Variants in TMEM178A observed in about 807,000 individuals in gnomAD.
TMEM178A encodes transmembrane protein 178A, also known as transmembrane protein 178.
In TMEM178A, 12 loss-of-function variants were observed where a neutral mutation model predicts 29.1. The observed-to-expected ratio is 0.41, with a 90% CI of 0.26 to 0.67. The LOEUF is 0.67. TMEM178A is among the 30% of genes least tolerant of loss of function. The pLI is 0.29. For missense variants in TMEM178A, 366 were observed against 419.1 expected, an observed-to-expected ratio of 0.87 and a Z score of 1.11; for synonymous variants, 210 against 187.2, an observed-to-expected ratio of 1.12 and a Z score of -0.99.
intron 3 of TMEM178A, among the ~76,000 whole-genome samples, chr2:39,712,958 T>G (rs1310866196): frequency 2.0e-5 from 3 of 152,238 alleles, no homozygotes; most frequent in Admixed American, 6.5e-5. Flanking sequence ...TTGGGGTAAT[T>G]TGTGATGAAC....
At chr2:39,725,857 C>T in the TMEM178A span, among the ~76,000 whole-genome samples, 7 of 152,162 alleles carry the variant, frequency 4.6e-5, no homozygotes, top group East Asian at 9.7e-4. Flanking sequence ...TCTAGGGCCT[C>T]GGCAAAAATA....
chr2:39,694,161 G>GTAGTAATAA (rs1553348013), intron 1 of TMEM178A, among the ~76,000 whole-genome samples: 2 of 146,714 alleles, frequency 1.4e-5, no homozygotes, highest in African/African-American at 2.5e-5. Flanking sequence ...AGTAGTAGTA[G>GTAGTAATAA]TAATAATAAT....
At chr2:39,694,612 T>C (rs531314997) in intron 1 of TMEM178A, among the ~76,000 whole-genome samples, 14 of 152,276 alleles carry the variant, frequency 9.2e-5, no homozygotes, top group Admixed American at 5.2e-4. Context: ...CATGAGACTA[T>C]TGAGCATTTG....
At chr2:39,676,377 C>A (rs1670624565) in intron 1 of TMEM178A, among the ~76,000 whole-genome samples, 1 of 152,204 alleles carries the variant, frequency 6.6e-6, no homozygotes. Context: ...AGCCATGTCT[C>A]TACCTGGTCA....
At chr2:39,708,696 C>T (rs1457192731) in intron 3 of TMEM178A, among the ~76,000 whole-genome samples, 1 of 151,994 alleles carries the variant, frequency 6.6e-6, no homozygotes, top group Admixed American at 6.6e-5. Flanking sequence ...GGATTACAGG[C>T]GTGAGCCACC....
intron 1 of TMEM178A, among the ~76,000 whole-genome samples, chr2:39,671,826 C>G (rs1670420362): frequency 6.6e-6 from 1 of 152,336 alleles, no homozygotes; most frequent in South Asian, 2.1e-4. Flanking sequence ...TGCTCAGAGC[C>G]AAGTCTCTCA....
chr2:39,678,776 T>C (rs981085183), intron 1 of TMEM178A, among the ~76,000 whole-genome samples: 10 of 152,212 alleles, frequency 6.6e-5, no homozygotes, highest in African/African-American at 2.4e-4. Flanking sequence ...AGCTTTTACC[T>C]TGTGGCTCCA....
upstream of TMEM178A, chr2:39,665,667 CG>C (rs1670109876): frequency 4.1e-6 from 1 of 243,326 alleles, no homozygotes; most frequent in Non-Finnish European, 7.2e-6. Flanking sequence ...GAGGAGTGCG[CG>C]GGGTGGGGGG....
chr2:39,715,905 G>C (rs1304182799), intron 3 of TMEM178A, among the ~76,000 whole-genome samples: 1 of 152,180 alleles, frequency 6.6e-6, no homozygotes, highest in African/African-American at 2.4e-5. Flanking sequence ...AGAGGGCGGG[G>C]AGCTTTGAAT....
At chr2:39,680,278 A>G (rs1175568117) in intron 1 of TMEM178A, among the ~76,000 whole-genome samples, 1 of 152,214 alleles carries the variant, frequency 6.6e-6, no homozygotes, top group Non-Finnish European at 1.5e-5. Flanking sequence ...AACTCAGCAA[A>G]GTGTCAGGAT....
chr2:39,692,122 G>T (rs759471119), intron 1 of TMEM178A, among the ~76,000 whole-genome samples: 2 of 152,184 alleles, frequency 1.3e-5, no homozygotes, highest in East Asian at 1.9e-4. Flanking sequence ...TAAAAGCAGA[G>T]AATAGAATGG....
the TMEM178A span, among the ~76,000 whole-genome samples, chr2:39,726,650 G>A: frequency 6.6e-6 from 1 of 152,178 alleles, no homozygotes; most frequent in Non-Finnish European, 1.5e-5. Flanking sequence ...GGCCAGTACT[G>A]GGCGTTTAGG....
chr2:39,674,830 C>CT (rs921224949), intron 1 of TMEM178A, among the ~76,000 whole-genome samples: 3 of 151,586 alleles, frequency 2.0e-5, no homozygotes, highest in East Asian at 3.9e-4. Context: ...CTCTCTCTCT[C>CT]TTTTTTTTTC....
rs115150444 is a variant in TMEM178A at position 39,701,377 on chromosome 2, G to C, written c.401-2704G>C. 5.2e-3 allele frequency among the ~76,000 whole-genome samples: 794 copies of C among 152,080 alleles called. 9 individuals carry two copies. Among genetic ancestry groups the C allele is most frequent in the African/African-American group, 0.017 (696 of 41,486 alleles). On this transcript the variant is annotated intron_variant, in intron 1 of 3. Transcript: ENST00000281961. Reference sequence around the variant, plus strand: ...TGTTTTGAATGTGTCATCCTATTCCGTTCTGGCCTCCATGATTTCTGATGA... The same window carrying C: ...TGTTTTGAATGTGTCATCCTATTCCCTTCTGGCCTCCATGATTTCTGATGA...
chr2:39,694,512 A>G (rs953168457), intron 1 of TMEM178A, among the ~76,000 whole-genome samples: 3 of 152,308 alleles, frequency 2.0e-5, no homozygotes, highest in African/African-American at 7.2e-5. Flanking sequence ...CCCTTTCTAT[A>G]TCAAACATTC....
chr2:39,734,428 G>A, the TMEM178A span, among the ~76,000 whole-genome samples: 1 of 152,194 alleles, frequency 6.6e-6, no homozygotes, highest in Admixed American at 6.5e-5. Context: ...CAGTATGGGA[G>A]GAATTCAGGG....
At chr2:39,718,413 T>C (rs1672630265), downstream of TMEM178A, among the ~76,000 whole-genome samples, 1 of 152,216 alleles carries the variant, frequency 6.6e-6, no homozygotes, top group African/African-American at 2.4e-5. Flanking sequence ...TAACTCAGAA[T>C]ATCCACAGCT....
chr2:39,724,976 C>G, the TMEM178A span, among the ~76,000 whole-genome samples: 1 of 152,150 alleles, frequency 6.6e-6, no homozygotes, highest in Admixed American at 6.5e-5. Flanking sequence ...GAAATTAAAC[C>G]AACTGTGAAA....
At chr2:39,722,065 A>G (rs1031312697), downstream of TMEM178A, among the ~76,000 whole-genome samples, 2 of 150,330 alleles carry the variant, frequency 1.3e-5, no homozygotes, top group African/African-American at 4.9e-5. Flanking sequence ...AAGAGGCACC[A>G]CTAGAGGAGA....
Sources: gnomAD v4.1 joint callset for allele counts (sites outside exome capture counted in the v4.1 genomes callset) on GRCh38, gnomAD v4.1.1 for gene constraint, MANE v1.5 for transcripts, NCBI Gene and HGNC (gene_info 2026-07-23, HGNC 2026-07-21) for gene names.